The following SYN3 variants were observed in gnomAD, a reference collection of about 807,000 sequenced individuals.
The protein encoded by SYN3 is synapsin-3.
In SYN3, 35 loss-of-function variants were observed where a neutral mutation model predicts 65.8. That is an observed-to-expected ratio of 0.53 (90% CI 0.41 to 0.70). The LOEUF is 0.70. Ranked by LOEUF, SYN3 falls within the 30% of genes least tolerant of loss-of-function variation. SYN3 has a pLI of 0.00. For synonymous variants in SYN3, 270 were observed against 292.9 expected (o/e 0.92, Z 0.80); for missense variants, 680 against 749.0 (o/e 0.91, Z 1.08).
At chr22:32,958,830 T>C (rs1250391535) in intron 3 of SYN3, among the ~76,000 whole-genome samples, 1 of 152,044 alleles carries the variant, frequency 6.6e-6, no homozygotes, top group Non-Finnish European at 1.5e-5. Context: ...ACTGTTTCAC[T>C]AGGCTCCTTC....
intron 4 of SYN3, among the ~76,000 whole-genome samples, chr22:32,923,566 T>A (rs765254155): frequency 3.3e-5 from 5 of 152,246 alleles, no homozygotes; most frequent in African/African-American, 1.2e-4. Context: ...AACGTCTACA[T>A]GTCTTTGAAA....
chr22:32,601,524 G>A (rs1053854491), intron 6 of SYN3, among the ~76,000 whole-genome samples: 9 of 152,266 alleles, frequency 5.9e-5, no homozygotes, highest in African/African-American at 1.2e-4. Flanking sequence ...TGATCCACCC[G>A]CCTTGGCCTC....
chr22:32,726,828 G>A (rs942954531), intron 6 of SYN3, among the ~76,000 whole-genome samples: 2 of 152,140 alleles, frequency 1.3e-5, no homozygotes, highest in Non-Finnish European at 2.9e-5. Context: ...CCTCTTAAGT[G>A]GTTCCTCAGC....
rs2057719275 is a variant in SYN3 at position 32,513,541 on chromosome 22, T to C, written c.*151A>G. On this transcript the variant is annotated 3_prime_UTR_variant, in exon 14 of 14. Coordinates refer to ENST00000358763, the MANE Select transcript of SYN3 (RefSeq NM_003490.4). ...CGGTGAAGGAAAATGGGAACAAATATAGATAATCGGTTCCTGGGTCAAAGG... is the reference window on the plus strand; with the variant it reads ...CGGTGAAGGAAAATGGGAACAAATACAGATAATCGGTTCCTGGGTCAAAGG... 8.6e-6 allele frequency: 9 copies of C among 1,040,650 alleles called. No individual in the cohort carries two copies. The highest frequency in any genetic ancestry group is 5.5e-6 in the Non-Finnish European group (4 of 726,500). The allele number at this position is 1,040,650 out of a possible 1,614,324, so 64.5% of individuals were successfully genotyped here. A position where few individuals can be genotyped will look rare whatever the true frequency, so the allele number is the denominator to read the frequency against.
intron 6 of SYN3, among the ~76,000 whole-genome samples, chr22:32,863,638 T>C (rs5749529): frequency 0.3 from 45,459 of 152,030 alleles, 7,241 homozygotes; most frequent in African/African-American, 0.4. Context: ...GACAACGTTC[T>C]AGGTTTTCAC....
At chr22:32,803,926 G>A (rs2046656739) in intron 6 of SYN3, among the ~76,000 whole-genome samples, 1 of 152,122 alleles carries the variant, frequency 6.6e-6, no homozygotes, top group Admixed American at 6.5e-5. Context: ...AATTGACCAC[G>A]GAAAAGTGAA....
intron 4 of SYN3, among the ~76,000 whole-genome samples, chr22:32,898,436 C>A (rs984026135): frequency 2.0e-5 from 3 of 152,200 alleles, no homozygotes; most frequent in Admixed American, 2.0e-4. Context: ...TCTCCTTTCT[C>A]CCGTTGGTAA....
chr22:32,649,848 T>C (rs1323899754), intron 6 of SYN3, among the ~76,000 whole-genome samples: 1 of 152,106 alleles, frequency 6.6e-6, no homozygotes, highest in African/African-American at 2.4e-5. Context: ...AATCGGGTGG[T>C]TTAGGACAAA....
rs531356308 is a variant in SYN3 at position 32,632,791 on chromosome 22, C to T, written c.712-36055G>A. 2.6e-5 allele frequency among the ~76,000 whole-genome samples: 4 copies of T among 152,284 alleles called. No individual in the cohort carries two copies. The South Asian group carries it at 8.3e-4, about 32-fold the overall frequency. ...GAATTAACCCCAAACCCAGGGAAATCGCCACTTCACTGTGTTTTCTTACTG... is the reference window on the plus strand; with the variant it reads ...GAATTAACCCCAAACCCAGGGAAATTGCCACTTCACTGTGTTTTCTTACTG... On this transcript the variant is annotated intron_variant, in intron 6 of 13. Transcript: ENST00000358763.
intron 10 of SYN3, among the ~76,000 whole-genome samples, chr22:32,530,528 T>G (rs2058050857): frequency 6.6e-6 from 1 of 151,650 alleles, no homozygotes; most frequent in East Asian, 1.9e-4. Context: ...TGGCTTCTGC[T>G]GTGTATTTGC....
chr22:32,961,118 G>A (rs551861027), intron 3 of SYN3, among the ~76,000 whole-genome samples: 3 of 152,298 alleles, frequency 2.0e-5, no homozygotes, highest in African/African-American at 7.2e-5. Flanking sequence ...ACTGTTTTGT[G>A]TATTGTAGGA....
chr22:32,818,604 G>C (rs1202911376), intron 6 of SYN3, among the ~76,000 whole-genome samples: 1 of 152,166 alleles, frequency 6.6e-6, no homozygotes, highest in Non-Finnish European at 1.5e-5. Context: ...TTAAAAGGCC[G>C]TGTGTTTGCC....
At chr22:33,020,165 T>C (rs1302220478) in intron 1 of SYN3, among the ~76,000 whole-genome samples, 1 of 152,174 alleles carries the variant, frequency 6.6e-6, no homozygotes, top group East Asian at 1.9e-4. Context: ...CCTTCAGATT[T>C]AATTCCTCCA....
chr22:32,960,021 A>G (rs1441950560), intron 3 of SYN3, among the ~76,000 whole-genome samples: 5 of 152,210 alleles, frequency 3.3e-5, no homozygotes, highest in Non-Finnish European at 7.3e-5. Flanking sequence ...TGGAAACAAA[A>G]CTGTTCTATT....
intron 6 of SYN3, among the ~76,000 whole-genome samples, chr22:32,787,052 T>C (rs1381801549): frequency 9.5e-6 from 1 of 105,532 alleles, no homozygotes; most frequent in East Asian, 2.9e-4. Flanking sequence ...TCCTTTCTTT[T>C]CTTTTCTTTT....
At position 32,513,555 on chromosome 22, in the gene SYN3, C is replaced by G; in HGVS notation, c.*137G>C. ...GGGAACAAATATAGATAATCGGTTC[C>G]TGGGTCAAAGGCATTTAGAAAGTAT... On this transcript the variant is annotated 3_prime_UTR_variant, in exon 14 of 14. Transcript: ENST00000358763. 8.5e-7 allele frequency: 1 copy of G among 1,169,944 alleles called. No homozygotes were observed. The highest frequency in any genetic ancestry group is 1.2e-6 in the Non-Finnish European group (1 of 837,436). The allele number at this position is 1,169,944 out of a possible 1,614,324, so 72.5% of individuals were successfully genotyped here.
At chr22:32,941,479 T>C (rs80694) in intron 3 of SYN3, among the ~76,000 whole-genome samples, 151,175 of 152,332 alleles carry the variant, frequency 0.99, 75,019 homozygotes, top group African/African-American at 1. Context: ...GGTTCCAAGA[T>C]GGCTGAATAG....
chr22:32,844,873 G>A (rs186331296), intron 6 of SYN3, among the ~76,000 whole-genome samples: 7 of 152,152 alleles, frequency 4.6e-5, no homozygotes, highest in African/African-American at 1.7e-4. Flanking sequence ...ACCATGCCTG[G>A]CTAATTGTTT....
intron 4 of SYN3, among the ~76,000 whole-genome samples, chr22:32,920,228 T>A (rs1601697233): frequency 6.6e-6 from 1 of 152,168 alleles, no homozygotes; most frequent in South Asian, 2.1e-4. Flanking sequence ...CGTAATTAGA[T>A]TGGGGTCTCA....
Sources: allele counts gnomAD v4.1 joint callset (sites outside exome capture counted in the v4.1 genomes callset), GRCh38; gene constraint gnomAD v4.1.1; transcripts MANE v1.5; gene names NCBI Gene and HGNC (gene_info 2026-07-23, HGNC 2026-07-21).